MTMR7: variants seen among roughly 807,000 people sequenced by gnomAD.
MTMR7 encodes phosphatidylinositol-3-phosphate phosphatase MTMR7.
In MTMR7, 76 loss-of-function variants were observed where a neutral mutation model predicts 81.2. The observed-to-expected ratio is 0.94, with a 90% CI of 0.78 to 1.13. The LOEUF (loss-of-function observed/expected upper bound fraction) is 1.13. MTMR7 is among the 50% of genes most tolerant of loss of function. The pLI is 0.00. For missense variants in MTMR7, 1,044 were observed against 820.0 expected, an observed-to-expected ratio of 1.27 and a Z score of -3.34; for synonymous variants, 372 against 289.8, an observed-to-expected ratio of 1.28 and a Z score of -2.88.
intron 1 of MTMR7, among the ~76,000 whole-genome samples, chr8:17,378,921 T>C (rs916262756): frequency 1.3e-5 from 2 of 152,146 alleles, no homozygotes; most frequent in Non-Finnish European, 2.9e-5. Context: ...ATTGAAGCCA[T>C]GGGACTAAAA....
chr8:17,363,928 G>C (rs564426774), intron 3 of MTMR7, among the ~76,000 whole-genome samples: 2 of 135,312 alleles, frequency 1.5e-5, no homozygotes, highest in East Asian at 2.2e-4. Flanking sequence ...CCTAGGGCTT[G>C]ACAATCCTTT....
At chr8:17,325,483 C>G (rs1443769310) in intron 7 of MTMR7, among the ~76,000 whole-genome samples, 1 of 152,150 alleles carries the variant, frequency 6.6e-6, no homozygotes, top group East Asian at 1.9e-4. Flanking sequence ...TTAAGTGGTT[C>G]TATTTTGAGG....
rs549637298 is a variant in MTMR7 at position 17,413,318 on chromosome 8, G to T, written c.-26C>A. 5 of 1,528,982 alleles carry T rather than the reference G, an allele frequency of 3.3e-6. No individual in the cohort carries two copies. The highest frequency in any genetic ancestry group is 4.4e-6 in the Non-Finnish European group (5 of 1,136,802). The allele number at this position is 1,528,982 out of a possible 1,614,324, so 94.7% of individuals were successfully genotyped here. A position where few individuals can be genotyped will look rare whatever the true frequency, so the allele number is the denominator to read the frequency against. On this transcript the variant is annotated 5_prime_UTR_variant, in exon 1 of 14. Coordinates refer to ENST00000180173, the MANE Select transcript of MTMR7 (RefSeq NM_004686.5). ...GGCTGGCCCACGTCTGCAGGGTCCC[G>T]GGCGGGCGCGGCCTCACGCACCTGC...
At chr8:17,336,953 G>T (rs1215206906) in intron 6 of MTMR7, among the ~76,000 whole-genome samples, 1 of 152,176 alleles carries the variant, frequency 6.6e-6, no homozygotes, top group East Asian at 1.9e-4. Flanking sequence ...GTGAATCCTG[G>T]AATGTAAACT....
intron 4 of MTMR7, among the ~76,000 whole-genome samples, chr8:17,353,432 G>A (rs1164281857): frequency 3.9e-5 from 6 of 152,046 alleles, no homozygotes; most frequent in Admixed American, 1.3e-4. Flanking sequence ...CAAACTTTAC[G>A]TTATGCATTT....
At chr8:17,311,912 G>T in intron 8 of MTMR7, 1 of 338,242 alleles carries the variant, frequency 3.0e-6, no homozygotes, top group South Asian at 5.3e-5. Context: ...TTCGTCCTAT[G>T]CAAACGGACC....
chr8:17,407,144 TACACACACTATAC>T (rs1821610296), intron 1 of MTMR7, among the ~76,000 whole-genome samples: 1 of 151,848 alleles, frequency 6.6e-6, no homozygotes, highest in South Asian at 2.1e-4. Context: ...GCTATTGAAA[TACACACACTATAC>T]ACACACACTA....
chr8:17,366,006 G>A (rs528677593), intron 3 of MTMR7, among the ~76,000 whole-genome samples: 1 of 152,074 alleles, frequency 6.6e-6, no homozygotes, highest in Non-Finnish European at 1.5e-5. Context: ...CCTTAACCTA[G>A]GGAAGCCTAG....
At chr8:17,375,486 T>G (rs945196062) in intron 1 of MTMR7, among the ~76,000 whole-genome samples, 10 of 152,124 alleles carry the variant, frequency 6.6e-5, no homozygotes, top group Admixed American at 3.9e-4. Flanking sequence ...TTATGTTTTT[T>G]TTTTTTTTTT....
At chr8:17,301,557 A>G (rs1422228558) in intron 13 of MTMR7, 2 of 152,264 alleles carry the variant, frequency 1.3e-5, no homozygotes, top group Non-Finnish European at 2.9e-5. Context: ...ACTTTGTAAT[A>G]AGGAAGAGCC....
chr8:17,349,060 C>A lies in MTMR7; in HGVS notation c.490G>T (p.Glu164Ter). 1.2e-6 allele frequency: 2 copies of A among 1,611,972 alleles called. No homozygotes were observed. The highest frequency in any genetic ancestry group is 2.2e-5 in the South Asian group (2 of 90,882). ...GTGGCCGATTTGGGAACGTACAGTT[C>A]AGTAGGATAAGAGTCACAGACCTGT... ...DYRVCDSYPT[E>*]LYVPKSATAH... The change falls in exon 5 of 14, where the codon GAA (glutamate) becomes TAA (stop). Residue 164 changes from glutamate to a stop codon, truncating the protein, a stop_gained. Coordinates refer to ENST00000180173, the MANE Select transcript of MTMR7 (RefSeq NM_004686.5). LOFTEE classifies it high-confidence loss of function.
intron 1 of MTMR7, among the ~76,000 whole-genome samples, chr8:17,405,870 ACACACACACC>A (rs369336038): frequency 0.034 from 3,049 of 90,464 alleles, 59 homozygotes; most frequent in Middle Eastern, 0.063. Context: ...ACACACACAC[ACACACACACC>A]ACAGAGAAAA....
At chr8:17,305,004 G>C (rs1021650387) in intron 11 of MTMR7, among the ~76,000 whole-genome samples, 2 of 152,130 alleles carry the variant, frequency 1.3e-5, no homozygotes, top group African/African-American at 4.8e-5. Flanking sequence ...GATACTGTTA[G>C]AATTGGCTAG....
Position 17,392,879 on chromosome 8 carries a change from G to C in MTMR7, c.25-19639C>G, listed in dbSNP as rs146000061. ...GGAAGTTCTTTCAGCATACAAACTT[G>C]TGGCCACATCCTTTTGCAATGAGGA... On this transcript the variant is annotated intron_variant, in intron 1 of 13. Transcript: ENST00000180173. 7.5e-3 allele frequency among the ~76,000 whole-genome samples: 1,145 copies of C among 152,314 alleles called. 4 individuals carry two copies. The highest frequency in any genetic ancestry group is 0.012 in the Non-Finnish European group (849 of 68,024).
At chr8:17,306,389 T>G (rs1188546767) in intron 10 of MTMR7, among the ~76,000 whole-genome samples, 1 of 150,708 alleles carries the variant, frequency 6.6e-6, no homozygotes, top group Non-Finnish European at 1.5e-5. Context: ...AAAGACAACT[T>G]GAAAAAAAAA....
intron 6 of MTMR7, among the ~76,000 whole-genome samples, chr8:17,336,514 T>G (rs531492921): frequency 2.0e-5 from 3 of 152,096 alleles, no homozygotes; most frequent in African/African-American, 7.2e-5. Flanking sequence ...CCACTGACTT[T>G]CCTAGGTGAC....
intron 7 of MTMR7, among the ~76,000 whole-genome samples, chr8:17,316,736 T>A (rs4921752): frequency 0.25 from 37,482 of 151,978 alleles, 4,950 homozygotes; most frequent in African/African-American, 0.32. Flanking sequence ...ACCTACATTG[T>A]ATTAAGTATT....
chr8:17,380,094 C>T (rs1403244066), intron 1 of MTMR7, among the ~76,000 whole-genome samples: 2 of 151,992 alleles, frequency 1.3e-5, no homozygotes, highest in African/African-American at 2.4e-5. Context: ...AATGATTATG[C>T]CAGAAGGGAC....
At chr8:17,325,153 A>AGAGAG (rs754517332) in intron 7 of MTMR7, among the ~76,000 whole-genome samples, 12 of 151,972 alleles carry the variant, frequency 7.9e-5, no homozygotes, top group Non-Finnish European at 1.8e-4. Flanking sequence ...CTCTCCAAGC[A>AGAGAG]GAGAGAACTA....
Sources: allele counts gnomAD v4.1 joint callset (sites outside exome capture counted in the v4.1 genomes callset), GRCh38; gene constraint gnomAD v4.1.1; transcripts MANE v1.5; gene names NCBI Gene and HGNC (gene_info 2026-07-23, HGNC 2026-07-21).